The following LIN7A variants were observed in gnomAD, a reference collection of about 807,000 sequenced individuals.
LIN7A encodes the protein protein lin-7 homolog A.
A neutral mutation model predicts 29.8 loss-of-function variants in LIN7A; 25 were observed. That is an observed-to-expected ratio of 0.84 (90% CI 0.61 to 1.17). The LOEUF (loss-of-function observed/expected upper bound fraction) is 1.17, where lower values mean the gene tolerates loss of function less well. Ranked by LOEUF, LIN7A falls within the 50% of genes most tolerant of loss-of-function variation. The pLI, the probability that LIN7A is intolerant of heterozygous loss-of-function variation, is 0.00. For missense variants in LIN7A, 239 were observed against 287.0 expected, an observed-to-expected ratio of 0.83 and a Z score of 1.21; for synonymous variants, 118 against 107.5, an observed-to-expected ratio of 1.10 and a Z score of -0.60.
chr12:80,866,182 T>C (rs1874126861), intron 2 of LIN7A, among the ~76,000 whole-genome samples: 1 of 152,214 alleles, frequency 6.6e-6, no homozygotes. Context: ...AAGGAGTCTC[T>C]CACTTTTAAT....
At chr12:80,936,779 A>T (rs2120989176) in intron 1 of LIN7A, 1 of 152,488 alleles carries the variant, frequency 6.6e-6, no homozygotes, top group South Asian at 2.1e-4. Context: ...TCCCCGTTCA[A>T]GTCAGAGAGC....
intron 5 of LIN7A, among the ~76,000 whole-genome samples, chr12:80,806,251 C>G (rs1194962826): frequency 6.6e-6 from 1 of 151,970 alleles, no homozygotes; most frequent in Non-Finnish European, 1.5e-5. Context: ...GTGGGTATAG[C>G]ACGAATAAAA....
intron 4 of LIN7A, among the ~76,000 whole-genome samples, chr12:80,812,787 G>T (rs900409870): frequency 2.0e-5 from 3 of 152,096 alleles, no homozygotes; most frequent in African/African-American, 7.2e-5. Flanking sequence ...CTGACCTCAA[G>T]CGATCCACCT....
chr12:80,793,356 A>G lies in LIN7A; in HGVS notation c.*4371T>C, dbSNP rs1164983940. Reference sequence around the variant, plus strand: ...ACTGGGGTATAACCGTGGTTTATAGATAAACTAAGCAGCATTTTTGAGCAG... The same window carrying G: ...ACTGGGGTATAACCGTGGTTTATAGGTAAACTAAGCAGCATTTTTGAGCAG... On this transcript the variant is annotated 3_prime_UTR_variant, in exon 6 of 6. Transcript: ENST00000552864. The G allele has an allele frequency of 6.6e-6, 1 of 152,220 alleles. No homozygotes were observed. Among genetic ancestry groups the G allele is most frequent in the Non-Finnish European group, 1.5e-5 (1 of 68,034 alleles). 9.4% of individuals were successfully genotyped at this position (152,220 alleles called of 1,614,324 possible).
Position 80,796,521 on chromosome 12 carries a change from G to C in LIN7A, c.*1206C>G, listed in dbSNP as rs1006362553. 1 of 151,880 alleles carries C rather than the reference G, an allele frequency of 6.6e-6. No individual in the cohort carries two copies. The allele number at this position is 151,880 out of a possible 1,614,324, so 9.4% of individuals were successfully genotyped here. A position where few individuals can be genotyped will look rare whatever the true frequency, so the allele number is the denominator to read the frequency against. Reference sequence around the variant, plus strand: ...TTACCTATGGGAATATATTAAAGTTGGTGATTTTATTTTATTTTTCTAGAG... The same window carrying C: ...TTACCTATGGGAATATATTAAAGTTCGTGATTTTATTTTATTTTTCTAGAG... On this transcript the variant is annotated 3_prime_UTR_variant, in exon 6 of 6. Coordinates refer to ENST00000552864, the MANE Select transcript of LIN7A (RefSeq NM_004664.4).
chr12:80,882,623 T>G (rs1565914421), intron 2 of LIN7A, among the ~76,000 whole-genome samples: 1 of 152,180 alleles, frequency 6.6e-6, no homozygotes, highest in African/African-American at 2.4e-5. Context: ...TTTATGTTTT[T>G]CTTGACTTAT....
chr12:80,803,044 T>A (rs747747994), intron 5 of LIN7A, among the ~76,000 whole-genome samples: 1 of 152,248 alleles, frequency 6.6e-6, no homozygotes, highest in Non-Finnish European at 1.5e-5. Flanking sequence ...TAGTCCTTTA[T>A]CAGATGTATG....
At chr12:80,836,299 T>C (rs759601715) in intron 4 of LIN7A, among the ~76,000 whole-genome samples, 3 of 152,194 alleles carry the variant, frequency 2.0e-5, no homozygotes, top group African/African-American at 4.8e-5. Context: ...TTTCTTATGA[T>C]AACAGACTCT....
intron 1 of LIN7A, among the ~76,000 whole-genome samples, chr12:80,921,407 T>C: frequency 6.6e-6 from 1 of 151,500 alleles, no homozygotes; most frequent in African/African-American, 2.4e-5. Context: ...TGTTTATTTC[T>C]CATAGTTTTG....
intron 1 of LIN7A, among the ~76,000 whole-genome samples, chr12:80,904,692 A>G (rs1178211680): frequency 7.9e-5 from 12 of 152,186 alleles, no homozygotes; most frequent in Non-Finnish European, 7.3e-5. Flanking sequence ...TCCCTAATCC[A>G]AAATTCTTGT....
At chr12:80,918,981 A>T (rs1476409610) in intron 1 of LIN7A, among the ~76,000 whole-genome samples, 1 of 152,214 alleles carries the variant, frequency 6.6e-6, no homozygotes, top group Non-Finnish European at 1.5e-5. Context: ...CAGCCTGTAC[A>T]GGTTTGTAAC....
At chr12:80,845,110 G>A (rs1032169604) in intron 4 of LIN7A, among the ~76,000 whole-genome samples, 4 of 151,770 alleles carry the variant, frequency 2.6e-5, no homozygotes, top group Admixed American at 6.6e-5. Context: ...GGTGGCGGGC[G>A]CCTGTAGTCC....
chr12:80,899,966 A>AC (rs1290941247), intron 1 of LIN7A, among the ~76,000 whole-genome samples: 4 of 150,968 alleles, frequency 2.6e-5, no homozygotes, highest in Non-Finnish European at 5.9e-5. Context: ...ACGGGGTTTC[A>AC]CCGTGTTAGT....
intron 4 of LIN7A, among the ~76,000 whole-genome samples, chr12:80,826,369 C>T (rs1008235281): frequency 5.9e-5 from 9 of 152,178 alleles, no homozygotes; most frequent in East Asian, 1.9e-4. Flanking sequence ...GACATCTTCC[C>T]TCAATCTACA....
chr12:80,814,227 A>C (rs1871425648), intron 4 of LIN7A, among the ~76,000 whole-genome samples: 1 of 152,212 alleles, frequency 6.6e-6, no homozygotes, highest in Non-Finnish European at 1.5e-5. Flanking sequence ...AAAACATGAA[A>C]GGAAGGTAAA....
chr12:80,848,385 C>A, intron 2 of LIN7A, 63 bp from the exon 3 acceptor site: 3 of 1,206,472 alleles, frequency 2.5e-6, no homozygotes, highest in Admixed American at 3.8e-5. Context: ...TCTTTTATTG[C>A]AGAAAGAAAA....
intron 4 of LIN7A, 146 bp downstream of exon 4, chr12:80,845,584 G>A (rs1005027100): frequency 8.4e-6 from 5 of 597,752 alleles, no homozygotes; most frequent in Non-Finnish European, 1.4e-5. Context: ...GCTTTTATAG[G>A]TTTAATATCC....
chr12:80,897,663 G>C (rs1419412221), intron 1 of LIN7A, among the ~76,000 whole-genome samples: 3 of 152,048 alleles, frequency 2.0e-5, no homozygotes, highest in South Asian at 4.2e-4. Flanking sequence ...AAAATTAGCC[G>C]GCGTGGTGGT....
rs1565878746 is a variant in LIN7A, at chr12:80,794,009, T to G, written c.*3718A>C. On this transcript the variant is annotated 3_prime_UTR_variant, in exon 6 of 6. Coordinates refer to ENST00000552864, the MANE Select transcript of LIN7A (RefSeq NM_004664.4). ...CACTGTTCAAATGTCCTCAAATCTT[T>G]GAAGCCTTTAAAGTAATTAATGAAA... 6.6e-6 allele frequency: 1 copy of G among 152,148 alleles called. No homozygotes were observed. Among genetic ancestry groups the G allele is most frequent in the Non-Finnish European group, 1.5e-5 (1 of 68,012 alleles). The allele number at this position is 152,148 out of a possible 1,614,324, so 9.4% of individuals were successfully genotyped here.
Sources: allele counts gnomAD v4.1 joint callset (sites outside exome capture counted in the v4.1 genomes callset), GRCh38; gene constraint gnomAD v4.1.1; transcripts MANE v1.5; gene names NCBI Gene and HGNC (gene_info 2026-07-23, HGNC 2026-07-21).